The following NTN4 variants were observed in gnomAD, a reference collection of about 807,000 sequenced individuals.
NTN4 encodes the protein netrin-4.
NTN4 carries 32 observed loss-of-function variants against 73.6 expected under a neutral mutation model. The observed-to-expected ratio is 0.44, with a 90% CI of 0.33 to 0.58. NTN4 has a LOEUF of 0.58. Among genes scored for constraint, NTN4 ranks in the 20% least tolerant of loss-of-function variants. NTN4 has a pLI of 0.04. For synonymous variants in NTN4, 258 were observed against 287.5 expected, an observed-to-expected ratio of 0.90 and a Z score of 1.04; for missense variants, 654 against 798.3, an observed-to-expected ratio of 0.82 and a Z score of 2.18.
At chr12:95,742,952 C>T (rs1040865141) in intron 2 of NTN4, among the ~76,000 whole-genome samples, 1 of 152,236 alleles carries the variant, frequency 6.6e-6, no homozygotes, top group African/African-American at 2.4e-5. Context: ...AAGTTCCGCA[C>T]TCTTGATGAG....
At chr12:95,690,598 A>G (rs919802599) in intron 5 of NTN4, among the ~76,000 whole-genome samples, 6 of 152,136 alleles carry the variant, frequency 3.9e-5, no homozygotes, top group African/African-American at 1.4e-4. Context: ...GTTTGTTTCT[A>G]ATTAAGAAAT....
intron 5 of NTN4, among the ~76,000 whole-genome samples, chr12:95,704,388 GA>G (rs963670062): frequency 3.3e-5 from 5 of 152,120 alleles, no homozygotes; most frequent in African/African-American, 1.2e-4. Context: ...ATAATGGGGG[GA>G]AAACATCTAG....
At chr12:95,770,046 C>G (rs115617525) in intron 2 of NTN4, among the ~76,000 whole-genome samples, 2,364 of 152,228 alleles carry the variant, frequency 0.016, 67 homozygotes, top group African/African-American at 0.054. Flanking sequence ...TGTGAGTGAC[C>G]ACTCCCGGCG....
intron 9 of NTN4, chr12:95,663,296 C>T (rs2078152652): frequency 6.6e-6 from 1 of 152,118 alleles, no homozygotes; most frequent in African/African-American, 2.4e-5. Flanking sequence ...CAGCATCACA[C>T]CAAAAACAAA....
intron 3 of NTN4, among the ~76,000 whole-genome samples, chr12:95,722,758 T>C (rs1457881565): frequency 6.6e-6 from 1 of 152,084 alleles, no homozygotes; most frequent in Non-Finnish European, 1.5e-5. Flanking sequence ...GCAGATCACT[T>C]GAGGTCAGGA....
intron 2 of NTN4, among the ~76,000 whole-genome samples, chr12:95,785,015 A>G (rs968127125): frequency 1.3e-5 from 2 of 152,262 alleles, no homozygotes; most frequent in African/African-American, 4.8e-5. Context: ...AATTTGCAAT[A>G]AATTCAACGT....
intron 4 of NTN4, among the ~76,000 whole-genome samples, chr12:95,711,145 T>G (rs775141442): frequency 2.1e-4 from 32 of 152,324 alleles, no homozygotes; most frequent in Middle Eastern, 3.4e-3. Flanking sequence ...TTTCCTGATT[T>G]CAATAGGTTA....
chr12:95,723,401 T>C (rs1263839943), intron 3 of NTN4, among the ~76,000 whole-genome samples: 1 of 152,218 alleles, frequency 6.6e-6, no homozygotes, highest in East Asian at 1.9e-4. Context: ...TAGGAAATGA[T>C]TAATAATGCA....
At chr12:95,662,934 T>C (rs2078149550) in intron 9 of NTN4, among the ~76,000 whole-genome samples, 2 of 152,012 alleles carry the variant, frequency 1.3e-5, no homozygotes, top group Non-Finnish European at 2.9e-5. Context: ...TTTGAGACCA[T>C]AGCAAGACCC....
rs547249924 is a variant in NTN4 at position 95,754,944 on chromosome 12, C to A, written c.586-16800G>T. ...TGGTTGTTTACTAGTTATTTACAAA[C>A]AGCATCTGGTTAATTCAGTTAAATC... On this transcript the variant is annotated intron_variant, in intron 2 of 9. Transcript: ENST00000343702. Among the ~76,000 whole-genome samples the A allele has an allele frequency of 2.6e-5, 4 of 152,316 alleles. No homozygotes were observed. The South Asian group carries it at 8.3e-4, about 32-fold the overall frequency.
chr12:95,690,073 A>T (rs968477888), intron 5 of NTN4, among the ~76,000 whole-genome samples: 2 of 152,206 alleles, frequency 1.3e-5, no homozygotes, highest in Non-Finnish European at 1.5e-5. Flanking sequence ...AATGTACGTC[A>T]CTAGCACTTA....
intron 2 of NTN4, among the ~76,000 whole-genome samples, chr12:95,740,288 A>G (rs1462831798): frequency 6.6e-6 from 1 of 152,140 alleles, no homozygotes; most frequent in East Asian, 1.9e-4. Flanking sequence ...TTTTTCTTCA[A>G]ACTTCCCCAG....
At chr12:95,745,375 G>C (rs2078854626) in intron 2 of NTN4, among the ~76,000 whole-genome samples, 1 of 151,782 alleles carries the variant, frequency 6.6e-6, no homozygotes. Context: ...TTCATATTGG[G>C]TCATTTCTAT....
chr12:95,776,834 A>C (rs1262680686), intron 2 of NTN4, among the ~76,000 whole-genome samples: 2 of 152,196 alleles, frequency 1.3e-5, no homozygotes, highest in African/African-American at 4.8e-5. Flanking sequence ...CTCCTCGAGA[A>C]GAGCAACTCC....
At chr12:95,664,537 TGTTA>T (rs1487643975) in intron 9 of NTN4, among the ~76,000 whole-genome samples, 6 of 152,158 alleles carry the variant, frequency 3.9e-5, no homozygotes, top group Non-Finnish European at 5.9e-5. Flanking sequence ...GATATTTTAT[TGTTA>T]GTTTATGCTC....
rs1005089315 is a variant in NTN4 at position 95,701,427 on chromosome 12, T to C, written c.1180+9014A>G. On this transcript the variant is annotated intron_variant, in intron 5 of 9. Coordinates refer to ENST00000343702, the MANE Select transcript of NTN4 (RefSeq NM_021229.4). Reference sequence around the variant, plus strand: ...CACTGTCCTTTCAAAAATTTTTTTTTCCTAAGCTGTAGAAATAAATTCAGT... The same window carrying C: ...CACTGTCCTTTCAAAAATTTTTTTTCCCTAAGCTGTAGAAATAAATTCAGT... Among the ~76,000 whole-genome samples, 3 of 152,100 alleles carry C rather than the reference T, an allele frequency of 2.0e-5. No homozygotes were observed. In the South Asian group the frequency reaches 6.2e-4, roughly 31 times the overall value.
chr12:95,684,184 T>C (rs1299890039), intron 5 of NTN4, among the ~76,000 whole-genome samples: 1 of 152,206 alleles, frequency 6.6e-6, no homozygotes, highest in Admixed American at 6.5e-5. Flanking sequence ...GATGGTGTTC[T>C]TCACAGGAAG....
intron 2 of NTN4, among the ~76,000 whole-genome samples, chr12:95,744,876 T>C (rs2078850924): frequency 6.6e-6 from 1 of 151,238 alleles, no homozygotes; most frequent in African/African-American, 2.4e-5. Context: ...TGAAAAAGTC[T>C]TGACTTCATC....
In NTN4 at chr12:95,790,386, G is replaced by T; in HGVS notation, c.-77C>A. On this transcript the variant is annotated 5_prime_UTR_variant, in exon 1 of 10. Transcript: ENST00000343702. The surrounding 1 kb of genome is among the most constrained non-coding windows in gnomAD (Gnocchi z 6.5). ...AGACCTCTGGGCTGCGGGATGAAGCGCCGCCGTCCTCGGGAGGGAACGGGG... is the reference window on the plus strand; with the variant it reads ...AGACCTCTGGGCTGCGGGATGAAGCTCCGCCGTCCTCGGGAGGGAACGGGG... 1 of 1,272,050 alleles carries T rather than the reference G, an allele frequency of 7.9e-7. No homozygotes were observed. Among genetic ancestry groups the T allele is most frequent in the Non-Finnish European group, 1.1e-6 (1 of 942,208 alleles). 78.8% of individuals were successfully genotyped at this position (1,272,050 alleles called of 1,614,324 possible).
Sources: allele counts gnomAD v4.1 joint callset (sites outside exome capture counted in the v4.1 genomes callset), GRCh38; gene constraint gnomAD v4.1.1; non-coding constraint Gnocchi (gnomAD v3.1); transcripts MANE v1.5; gene names NCBI Gene and HGNC (gene_info 2026-07-23, HGNC 2026-07-21).